Variants in MGAT1 observed in about 807,000 individuals in gnomAD.
The protein encoded by MGAT1 is alpha-1,3-mannosyl-glycoprotein 2-beta-N-acetylglucosaminyltransferase, also known as N-glycosyl-oligosaccharide-glycoprotein N-acetylglucosaminyltransferase I.
MGAT1 carries 14 observed loss-of-function variants against 31.7 expected under a neutral mutation model. The ratio of observed to expected loss-of-function variants is 0.44; its 90% confidence interval spans 0.29 to 0.69. The LOEUF is 0.69. Ranked by LOEUF, MGAT1 falls within the 30% of genes least tolerant of loss-of-function variation. The pLI, the probability that MGAT1 is intolerant of heterozygous loss-of-function variation, is 0.12. For missense variants in MGAT1, 557 were observed against 626.0 expected (o/e 0.89, Z 1.18); for synonymous variants, 338 against 276.0 (o/e 1.22, Z -2.23).
Position 180,791,674 on chromosome 5 carries a change from G to A in MGAT1, c.1298C>T (p.Pro433Leu). 2.5e-6 allele frequency: 4 copies of A among 1,613,848 alleles called. No individual in the cohort carries two copies. The highest frequency in any genetic ancestry group is 3.4e-6 in the Non-Finnish European group (4 of 1,180,016). The part of the protein sequence containing the change: ...QFRGRRVHLA[P>L]PLTWEGYDPS... ...ATCATAGCCCTCCCACGTCAGTGGG[G>A]GCGCCAGGTGGACACGGCGGCCCCG... Residue 433 changes from proline (P) to leucine (L), a missense_variant, in exon 2 of 2, where the codon CCC becomes CTC. Pro to Leu is a moderately conservative substitution (Grantham distance 98). Around this residue, in one of 3 missense-constraint regions of MGAT1, gnomAD observed 145 missense variants for 143.2 expected, o/e 1.01. Transcript: ENST00000307826.
intron 1 of MGAT1, 120 bp downstream of exon 1, chr5:180,802,560 C>G (rs1018124425): frequency 6.6e-6 from 1 of 152,342 alleles, no homozygotes; most frequent in Non-Finnish European, 1.5e-5. Flanking sequence ...CCAGCCAAGC[C>G]CCCTCTCGCT....
intron 1 of MGAT1, among the ~76,000 whole-genome samples, chr5:180,798,536 CA>C (rs1769999117): frequency 1.3e-5 from 2 of 152,206 alleles, no homozygotes; most frequent in African/African-American, 2.4e-5. Flanking sequence ...CCAGCACTGC[CA>C]AGCCGCTGTG....
At chr5:180,813,723 A>T (rs909894319) in intron 1 of MGAT1, among the ~76,000 whole-genome samples, 25 of 152,190 alleles carry the variant, frequency 1.6e-4, no homozygotes, top group Non-Finnish European at 2.6e-4. Context: ...CGGGCTCTTT[A>T]TACCAGTGGA....
chr5:180,805,990 G>A (rs777941201), upstream of MGAT1, among the ~76,000 whole-genome samples: 3 of 151,826 alleles, frequency 2.0e-5, no homozygotes, highest in Non-Finnish European at 4.4e-5. Context: ...AATTAATTGA[G>A]TTAAAATACA....
rs1767486794 is a variant in MGAT1 at position 180,785,151 on chromosome 5, G to A, written c.*6483C>T. The A allele has an allele frequency of 6.6e-6, 1 of 152,214 alleles. No individual in the cohort carries two copies. The allele number at this position is 152,214 out of a possible 1,614,324, so 9.4% of individuals were successfully genotyped here. A position where few individuals can be genotyped will look rare whatever the true frequency, so the allele number is the denominator to read the frequency against. The stretch of plus-strand genomic sequence containing the variant: ...CGTAAATAATAGAACCAGTCTCCTA[G>A]ATGACACTGCTCCCCACCCTTGGAT... On this transcript the variant is annotated 3_prime_UTR_variant, in exon 2 of 2. Transcript: ENST00000307826.
At chr5:180,801,981 C>G (rs1207818655) in intron 1 of MGAT1, among the ~76,000 whole-genome samples, 1 of 152,166 alleles carries the variant, frequency 6.6e-6, no homozygotes, top group Non-Finnish European at 1.5e-5. Context: ...CACGTAAGAG[C>G]AAAGGCTACA....
At chr5:180,810,523 G>C (rs1344106970) in intron 1 of MGAT1, 1 of 152,716 alleles carries the variant, frequency 6.5e-6, no homozygotes, top group East Asian at 1.9e-4. Flanking sequence ...TCGCGGGGGG[G>C]TTGGCCCTTG....
rs78691485 is a variant in MGAT1 at position 180,792,792 on chromosome 5, G to A, written c.180C>T (p.Asp60=). ...LTREVIRLAQ[D]AEVELERQRG... ...GCTGCCGCTCCAGCTCCACCTCGGC[G>A]TCTTGGGCCAGGCGAATCACTTCCC... is the stretch of plus-strand genomic sequence containing the variant. Residue 60 remains aspartate (D), a synonymous_variant, in exon 2 of 2, where the codon GAC becomes GAT. Transcript: ENST00000307826. The A allele has an allele frequency of 2.5e-3, 3,885 of 1,553,814 alleles. 71 individuals carry two copies. The African/African-American group carries it at 0.044, about 18-fold the overall frequency.
chr5:180,800,324 G>C (rs529785122), intron 1 of MGAT1, among the ~76,000 whole-genome samples: 1 of 152,322 alleles, frequency 6.6e-6, no homozygotes, highest in African/African-American at 2.4e-5. Flanking sequence ...TAAAACAATA[G>C]TTATCACTTA....
chr5:180,811,729 A>G (rs990225232), intron 1 of MGAT1, among the ~76,000 whole-genome samples: 1 of 151,956 alleles, frequency 6.6e-6, no homozygotes, highest in Non-Finnish European at 1.5e-5. Context: ...CTGTGCTCCA[A>G]ACTGCACAGC....
intron 1 of MGAT1, among the ~76,000 whole-genome samples, chr5:180,796,963 C>T (rs1165765412): frequency 6.6e-6 from 1 of 152,210 alleles, no homozygotes; most frequent in African/African-American, 2.4e-5. Context: ...CATGTTGGAA[C>T]TTTCCCTCCA....
chr5:180,800,233 T>C (rs1442056132), intron 1 of MGAT1, among the ~76,000 whole-genome samples: 1 of 152,202 alleles, frequency 6.6e-6, no homozygotes, highest in Non-Finnish European at 1.5e-5. Flanking sequence ...GTCCAAACAC[T>C]GAGGCCCTGT....
In MGAT1 at chr5:180,791,662, C is replaced by T; in HGVS notation, c.1310G>A (p.Trp437Ter). The T allele has an allele frequency of 6.2e-7, 1 of 1,613,810 alleles. No homozygotes were observed. The highest frequency in any genetic ancestry group is 8.5e-7 in the Non-Finnish European group (1 of 1,180,020). ...RRVHLAPPLT[W>*]EGYDPSWN is the part of the protein sequence containing the mutation. ...ATTCCAGCTAGGATCATAGCCCTCC[C>T]ACGTCAGTGGGGGCGCCAGGTGGAC... Residue 437 changes from tryptophan (W) to a stop codon, truncating the protein, a stop_gained, in exon 2 of 2, where the codon TGG (tryptophan) becomes TAG (stop). Coordinates refer to ENST00000307826, the MANE Select transcript of MGAT1 (RefSeq NM_002406.4). LOFTEE classifies it high-confidence loss of function.
chr5:180,792,604 T>C lies in MGAT1; in HGVS notation c.368A>G (p.Asp123Gly). 2 of 1,609,446 alleles carry C rather than the reference T, an allele frequency of 1.2e-6. No homozygotes were observed. The highest frequency in any genetic ancestry group is 1.7e-6 in the Non-Finnish European group (2 of 1,177,840). Residue 123 changes from aspartate (D) to glycine (G), a missense_variant, in exon 2 of 2, where the codon GAC (aspartate) becomes GGC (glycine). Asp to Gly is a moderately conservative substitution (Grantham distance 94, BLOSUM62 -1). Around this residue, in one of 3 missense-constraint regions of MGAT1, gnomAD observed 245 missense variants for 332.9 expected, o/e 0.74. Coordinates refer to ENST00000307826, the MANE Select transcript of MGAT1 (RefSeq NM_002406.4). The stretch of plus-strand genomic sequence containing the variant: ...CGAGGGCCGATAATGCAGCAGCTTG[T>C]CCAGGCAGCGCCGAACAGTGCTGCG... ...CDRSTVRRCL[D>G]KLLHYRPSAE...
In MGAT1 at chr5:180,791,727, G is replaced by C. The variant is rs558618997; in HGVS notation, c.1245C>G (p.Gly415=). Residue 415 remains glycine (G), a synonymous_variant, in exon 2 of 2, where the codon GGC becomes GGG. Transcript: ENST00000307826. ...DDLKSGVPRA[G]YRGIVTFQFR... is the part of the protein sequence containing the mutation. ...ACTGGAAGGTGACAATACCCCGGTA[G>C]CCAGCTCTCGGAACCCCCGACTTAA... The C allele has an allele frequency of 6.2e-7, 1 of 1,611,778 alleles. No individual in the cohort carries two copies. Among genetic ancestry groups the C allele is most frequent in the African/African-American group, 1.3e-5 (1 of 74,898 alleles).
upstream of MGAT1, among the ~76,000 whole-genome samples, chr5:180,804,430 A>G (rs545533717): frequency 6.6e-6 from 1 of 152,184 alleles, no homozygotes; most frequent in African/African-American, 2.4e-5. Flanking sequence ...CTGGAGGTGG[A>G]GTGGGAGAAG....
In MGAT1 at chr5:180,791,668, A is replaced by G. The variant is rs634501; in HGVS notation, c.1304T>C (p.Leu435Pro). The change falls in exon 2 of 2, where the codon CTG (leucine) becomes CCG (proline). Residue 435 changes from leucine (L) to proline (P), a missense_variant. Transcript: ENST00000307826. ...RGRRVHLAPP[L>P]TWEGYDPSWN Reference sequence around the variant, plus strand: ...GCTAGGATCATAGCCCTCCCACGTCAGTGGGGGCGCCAGGTGGACACGGCG... The same window carrying G: ...GCTAGGATCATAGCCCTCCCACGTCGGTGGGGGCGCCAGGTGGACACGGCG... 0.73 allele frequency: 1,184,261 copies of G among 1,613,576 alleles called. 438,018 individuals are homozygous for G. The highest frequency in any genetic ancestry group is 0.85 in the African/African-American group (63,613 of 74,982).
Position 180,788,735 on chromosome 5 carries a change from C to T in MGAT1, c.*2899G>A, listed in dbSNP as rs1945798798. On this transcript the variant is annotated 3_prime_UTR_variant, in exon 2 of 2. Coordinates refer to ENST00000307826, the MANE Select transcript of MGAT1 (RefSeq NM_002406.4). ...TCCTGGAGCACTAAGTAAGTTGGTA[C>T]TTATCCTGGAGCACTAAGTAAGTTG... 7.4e-6 allele frequency: 1 copy of T among 134,306 alleles called. No individual in the cohort carries two copies. The highest frequency in any genetic ancestry group is 2.3e-4 in the East Asian group (1 of 4,398). The allele number at this position is 134,306 out of a possible 1,614,324, so 8.3% of individuals were successfully genotyped here.
chr5:180,799,826 C>T (rs536343364), intron 1 of MGAT1, among the ~76,000 whole-genome samples: 1 of 152,274 alleles, frequency 6.6e-6, no homozygotes, highest in South Asian at 2.1e-4. Flanking sequence ...GTGAGACTAA[C>T]TCATAAAAGG....
Sources: gnomAD v4.1 joint callset for allele counts (sites outside exome capture counted in the v4.1 genomes callset) on GRCh38, gnomAD v4.1.1 for gene constraint, gnomAD v4.1.1 regional missense constraint, MANE v1.5 for transcripts, NCBI Gene and HGNC (gene_info 2026-07-23, HGNC 2026-07-21) for gene names.